Variants in CNBD1 observed in about 807,000 individuals in gnomAD.
CNBD1 encodes the protein cyclic nucleotide-binding domain-containing protein 1.
A neutral mutation model predicts 54.4 loss-of-function variants in CNBD1; 71 were observed. The ratio of observed to expected loss-of-function variants is 1.30; its 90% CI spans 1.08 to 1.59. The LOEUF is 1.59. CNBD1 is among the 40% of genes most tolerant of loss of function. CNBD1 has a pLI of 0.00. For synonymous variants in CNBD1, 182 were observed against 170.7 expected, an observed-to-expected ratio of 1.07 and a Z score of -0.51; for missense variants, 659 against 518.0, an observed-to-expected ratio of 1.27 and a Z score of -2.64.
intron 10 of CNBD1, among the ~76,000 whole-genome samples, chr8:87,373,674 G>C (rs1167446163): frequency 6.6e-6 from 1 of 151,688 alleles, no homozygotes; most frequent in Non-Finnish European, 1.5e-5. Context: ...TTGGCTTATA[G>C]GAATTGCCAA....
chr8:86,993,111 C>G (rs1808789820), intron 4 of CNBD1, among the ~76,000 whole-genome samples: 1 of 151,906 alleles, frequency 6.6e-6, no homozygotes. Context: ...GGTTTGGTCT[C>G]TTTATATAAT....
At chr8:86,958,770 G>A (rs1293855833) in intron 4 of CNBD1, among the ~76,000 whole-genome samples, 1 of 152,112 alleles carries the variant, frequency 6.6e-6, no homozygotes, top group Non-Finnish European at 1.5e-5. Flanking sequence ...GATAGGTCTT[G>A]ACTCTTTATC....
chr8:87,302,150 C>T (rs974202627), intron 8 of CNBD1, among the ~76,000 whole-genome samples: 3 of 152,162 alleles, frequency 2.0e-5, no homozygotes, highest in African/African-American at 7.2e-5. Flanking sequence ...AGGCAAGCAT[C>T]ATCCTGATAC....
At chr8:86,952,377 C>T (rs1196024193) in intron 4 of CNBD1, among the ~76,000 whole-genome samples, 1 of 152,068 alleles carries the variant, frequency 6.6e-6, no homozygotes, top group Admixed American at 6.6e-5. Flanking sequence ...CCTATATTTT[C>T]TACTGTGCTT....
At chr8:87,335,859 T>C (rs972505241) in intron 8 of CNBD1, among the ~76,000 whole-genome samples, 1 of 152,196 alleles carries the variant, frequency 6.6e-6, no homozygotes, top group African/African-American at 2.4e-5. Flanking sequence ...TTCCTTTCCA[T>C]ATTTAGTGCT....
At chr8:87,418,927 A>G (rs1476951604) in intron 2 of CNBD1, among the ~76,000 whole-genome samples, 1 of 151,910 alleles carries the variant, frequency 6.6e-6, no homozygotes, top group East Asian at 1.9e-4. Flanking sequence ...GACTTTTTAT[A>G]TGACTCAGCA....
intron 2 of CNBD1, among the ~76,000 whole-genome samples, chr8:87,403,831 T>C (rs1807607252): frequency 6.6e-6 from 1 of 152,024 alleles, no homozygotes; most frequent in Non-Finnish European, 1.5e-5. Flanking sequence ...GCAATTCTTT[T>C]GGATCCCTGG....
chr8:86,920,224 T>C (rs1809249587), intron 3 of CNBD1, among the ~76,000 whole-genome samples: 1 of 152,182 alleles, frequency 6.6e-6, no homozygotes, highest in African/African-American at 2.4e-5. Context: ...AGCATGTCTG[T>C]TTGAAATTTT....
In CNBD1 at chr8:87,063,916, T is replaced by C. The variant is rs548687149; in HGVS notation, c.431+124162T>C. On this transcript the variant is annotated intron_variant, in intron 4 of 10. Coordinates refer to ENST00000518476, the MANE Select transcript of CNBD1 (RefSeq NM_173538.3). ...ATTTTTTATTTACTTATTGCTACTT[T>C]ATAGAAATGCAATTGATTTTTGTAT... Among the ~76,000 whole-genome samples the C allele has an allele frequency of 7.9e-5, 12 of 152,168 alleles. No homozygotes were observed. In the South Asian group the frequency reaches 2.3e-3, roughly 29 times the overall value.
At chr8:87,385,576 G>A (rs566092351), downstream of CNBD1, among the ~76,000 whole-genome samples, 5 of 152,044 alleles carry the variant, frequency 3.3e-5, no homozygotes, top group Non-Finnish European at 7.4e-5. Flanking sequence ...GGGGAGGGGC[G>A]CCCACCGTTG....
chr8:86,910,158 C>T (rs1809078516), intron 3 of CNBD1, among the ~76,000 whole-genome samples: 1 of 152,014 alleles, frequency 6.6e-6, no homozygotes, highest in East Asian at 1.9e-4. Flanking sequence ...AACATAAGTT[C>T]CTCTGAGGAA....
chr8:86,982,503 T>A (rs1324237321), intron 4 of CNBD1, among the ~76,000 whole-genome samples: 1 of 152,210 alleles, frequency 6.6e-6, no homozygotes. Context: ...TGAGGTTCCT[T>A]TATTTCCATG....
At chr8:87,326,518 T>C (rs1224701543) in intron 8 of CNBD1, among the ~76,000 whole-genome samples, 1 of 119,652 alleles carries the variant, frequency 8.4e-6, no homozygotes, top group Admixed American at 8.3e-5. Flanking sequence ...TATTCTTTTT[T>C]CTCTAACCTT....
intron 10 of CNBD1, among the ~76,000 whole-genome samples, chr8:87,381,578 G>A (rs1484780343): frequency 6.6e-6 from 1 of 152,000 alleles, no homozygotes; most frequent in African/African-American, 2.4e-5. Context: ...GCAGTACCAT[G>A]TTAATTGCAG....
At chr8:87,217,781 G>C (rs2130806358) in intron 5 of CNBD1, among the ~76,000 whole-genome samples, 1 of 151,994 alleles carries the variant, frequency 6.6e-6, no homozygotes, top group African/African-American at 2.4e-5. Context: ...GCTTATACTA[G>C]AAATCTTGAA....
chr8:87,373,065 A>C (rs1163140384), intron 10 of CNBD1, among the ~76,000 whole-genome samples: 1 of 151,788 alleles, frequency 6.6e-6, no homozygotes, highest in African/African-American at 2.4e-5. Flanking sequence ...AATTATGACC[A>C]TTTCAAGTAT....
At chr8:86,971,985 T>A (rs188416229) in intron 4 of CNBD1, among the ~76,000 whole-genome samples, 290 of 152,090 alleles carry the variant, frequency 1.9e-3, no homozygotes, top group African/African-American at 6.7e-3. Flanking sequence ...CAGGGTCTCA[T>A]TCTGTTGCCC....
intron 4 of CNBD1, among the ~76,000 whole-genome samples, chr8:87,080,319 C>T (rs1037189073): frequency 6.6e-6 from 1 of 152,114 alleles, no homozygotes; most frequent in Admixed American, 6.5e-5. Context: ...TATGGTGGCT[C>T]ACACCTGTAA....
chr8:87,360,897 A>G lies in CNBD1; in HGVS notation c.1303+7111A>G, dbSNP rs564672327. On this transcript the variant is annotated intron_variant, in intron 10 of 10. Transcript: ENST00000518476. ...CTTAATACAAAGCACAGGAGGTCAG[A>G]GTTTTTACTGCAGATATATCTGTTA... Among the ~76,000 whole-genome samples, 5 of 152,028 alleles carry G rather than the reference A, an allele frequency of 3.3e-5. No individual in the cohort carries two copies. The South Asian group carries it at 6.2e-4, about 19-fold the overall frequency.
Sources: gnomAD v4.1 joint callset for allele counts (sites outside exome capture counted in the v4.1 genomes callset) on GRCh38, gnomAD v4.1.1 for gene constraint, MANE v1.5 for transcripts, NCBI Gene and HGNC (gene_info 2026-07-23, HGNC 2026-07-21) for gene names.